Variants in ERCC6L2 observed in about 807,000 individuals in gnomAD.
ERCC6L2 encodes DNA excision repair protein ERCC-6-like 2.
A neutral mutation model predicts 132.0 loss-of-function variants in ERCC6L2; 77 were observed. The observed-to-expected ratio is 0.58, with a 90% CI of 0.49 to 0.71. The LOEUF (loss-of-function observed/expected upper bound fraction) is 0.71, where lower values mean the gene tolerates loss of function less well. ERCC6L2 is among the 30% of genes least tolerant of loss of function. ERCC6L2 has a pLI of 0.00. For missense variants in ERCC6L2, 1,542 were observed against 1,837.6 expected (o/e 0.84, Z 2.94); for synonymous variants, 583 against 632.4 (o/e 0.92, Z 1.17).
At chr9:95,959,439 C>T in intron 13 of ERCC6L2, among the ~76,000 whole-genome samples, 1 of 151,370 alleles carries the variant, frequency 6.6e-6, no homozygotes, top group Non-Finnish European at 1.5e-5. Context: ...AGAAGAAAAC[C>T]TAGGCAATAC....
intron 14 of ERCC6L2, among the ~76,000 whole-genome samples, chr9:95,969,626 G>A (rs1832323470): frequency 6.6e-6 from 1 of 152,198 alleles, no homozygotes; most frequent in Non-Finnish European, 1.5e-5. Context: ...ACTTTCACCT[G>A]TTGTAGTCAT....
intron 12 of ERCC6L2, among the ~76,000 whole-genome samples, chr9:95,942,322 A>G (rs1212060662): frequency 6.6e-6 from 1 of 152,238 alleles, no homozygotes; most frequent in African/African-American, 2.4e-5. Context: ...ATGAAGAATT[A>G]TGAAACATTT....
intron 3 of ERCC6L2, among the ~76,000 whole-genome samples, chr9:95,905,659 G>T (rs1828995113): frequency 6.6e-6 from 1 of 152,180 alleles, no homozygotes; most frequent in Admixed American, 6.6e-5. Flanking sequence ...GATGAATCAA[G>T]TATAAGAAGT....
chr9:96,029,888 C>T (rs1182273813), intron 19 of ERCC6L2, among the ~76,000 whole-genome samples: 1 of 152,206 alleles, frequency 6.6e-6, no homozygotes, highest in African/African-American at 2.4e-5. Flanking sequence ...AGAGAGCAAA[C>T]GACTCGCTGT....
At chr9:95,988,977 C>A (rs1479487346) in intron 17 of ERCC6L2, among the ~76,000 whole-genome samples, 1 of 152,184 alleles carries the variant, frequency 6.6e-6, no homozygotes, top group Admixed American at 6.5e-5. Flanking sequence ...GAGCAGCTCA[C>A]AGAACTCAAG....
At chr9:95,995,867 A>G (rs1833454308) in intron 17 of ERCC6L2, among the ~76,000 whole-genome samples, 1 of 152,216 alleles carries the variant, frequency 6.6e-6, no homozygotes, top group South Asian at 2.1e-4. Context: ...CTGCTCTACA[A>G]CCAGCCATTT....
chr9:95,889,981 G>A (rs959166044), intron 2 of ERCC6L2, among the ~76,000 whole-genome samples: 13 of 152,010 alleles, frequency 8.6e-5, no homozygotes, highest in Non-Finnish European at 1.6e-4. Flanking sequence ...GCCAGTTTGC[G>A]CACATTAATC....
At chr9:95,915,960 GT>G (rs778491838) in intron 5 of ERCC6L2, 131 bp downstream of exon 5, 8 of 929,804 alleles carry the variant, frequency 8.6e-6, no homozygotes, top group Non-Finnish European at 1.1e-5. Flanking sequence ...GATCCCAGAT[GT>G]GGTATACACA....
intron 8 of ERCC6L2, 51 bp from the exon 9 acceptor site, chr9:95,923,209 G>C: frequency 1.3e-6 from 2 of 1,592,008 alleles, no homozygotes; most frequent in South Asian, 1.1e-5. Context: ...ATTTATACAG[G>C]TTTGAATGTG....
At chr9:95,891,489 T>C (rs1828160676) in intron 2 of ERCC6L2, among the ~76,000 whole-genome samples, 1 of 152,232 alleles carries the variant, frequency 6.6e-6, no homozygotes, top group Non-Finnish European at 1.5e-5. Flanking sequence ...GTTTCCACTT[T>C]TAGTTATTAT....
intron 3 of ERCC6L2, among the ~76,000 whole-genome samples, chr9:95,898,790 G>A (rs1828602445): frequency 6.6e-6 from 1 of 152,126 alleles, no homozygotes. Context: ...CAAGATTGCT[G>A]AGAAGTCCAA....
At chr9:95,945,039 C>A (rs1396953468) in intron 12 of ERCC6L2, among the ~76,000 whole-genome samples, 1 of 152,140 alleles carries the variant, frequency 6.6e-6, no homozygotes, top group Non-Finnish European at 1.5e-5. Context: ...TGAGAGCAGA[C>A]AACTGGTCTG....
rs1014324454 is a variant in ERCC6L2 at position 95,975,581 on chromosome 9, A to G, written c.3338-2480A>G. ...TCTTCATGTTGGTTATCCTGGGTCCATATTCTGATATACACAGTGTTGTTT... is the reference window on the plus strand; with the variant it reads ...TCTTCATGTTGGTTATCCTGGGTCCGTATTCTGATATACACAGTGTTGTTT... On this transcript the variant is annotated intron_variant, in intron 16 of 18. Coordinates refer to ENST00000653738, the MANE Select transcript of ERCC6L2 (RefSeq NM_020207.7). Among the ~76,000 whole-genome samples, 19 of 147,606 alleles carry G rather than the reference A, an allele frequency of 1.3e-4. No individual in the cohort carries two copies. The East Asian group carries it at 3.4e-3, about 26-fold the overall frequency.
chr9:95,951,488 G>A (rs150410395), intron 12 of ERCC6L2, among the ~76,000 whole-genome samples: 5 of 152,202 alleles, frequency 3.3e-5, no homozygotes, highest in African/African-American at 9.6e-5. Context: ...ATAGAAAAAC[G>A]ACAGAGGCAA....
intron 11 of ERCC6L2, among the ~76,000 whole-genome samples, chr9:95,941,105 T>C (rs1307715441): frequency 6.6e-6 from 1 of 152,196 alleles, no homozygotes; most frequent in Non-Finnish European, 1.5e-5. Context: ...AGTTTTTTAA[T>C]GTATGCATTA....
chr9:96,039,971 C>A (rs1439510254), intron 20 of ERCC6L2, among the ~76,000 whole-genome samples: 3 of 151,860 alleles, frequency 2.0e-5, no homozygotes, highest in Non-Finnish European at 4.4e-5. Flanking sequence ...GTAATCCCAG[C>A]ACTTTGGGAG....
chr9:95,952,369 C>T (rs1042411073), intron 12 of ERCC6L2, among the ~76,000 whole-genome samples: 2 of 151,946 alleles, frequency 1.3e-5, no homozygotes, highest in African/African-American at 4.8e-5. Context: ...TGCCAGCAAA[C>T]TGAATTTCAG....
intron 18 of ERCC6L2, among the ~76,000 whole-genome samples, chr9:96,011,117 A>G (rs1167469941): frequency 1.3e-5 from 2 of 152,224 alleles, no homozygotes; most frequent in African/African-American, 2.4e-5. Context: ...ACAAAATACT[A>G]TAGACTGGGT....
intron 14 of ERCC6L2, chr9:95,968,863 G>A (rs1832284588): frequency 6.6e-6 from 1 of 152,096 alleles, no homozygotes; most frequent in Admixed American, 6.6e-5. Context: ...ATTCTATATG[G>A]GGAGACAAAT....
Sources: gnomAD v4.1 joint callset for allele counts (sites outside exome capture counted in the v4.1 genomes callset) on GRCh38, gnomAD v4.1.1 for gene constraint, MANE v1.5 for transcripts, NCBI Gene and HGNC (gene_info 2026-07-23, HGNC 2026-07-21) for gene names.